TRPC7: variants seen among roughly 807,000 people sequenced by gnomAD.
TRPC7 encodes transient receptor potential cation channel subfamily C member 7.
TRPC7 carries 42 observed loss-of-function variants against 90.1 expected under a neutral mutation model. The ratio of observed to expected loss-of-function variants is 0.47; its 90% confidence interval spans 0.36 to 0.60. The LOEUF (loss-of-function observed/expected upper bound fraction) is 0.60, where lower values mean the gene tolerates loss of function less well. Among genes scored for constraint, TRPC7 ranks in the 20% least tolerant of loss-of-function variants. The probability of loss-of-function intolerance (pLI) is 0.00; values close to 1 mark genes in which losing one functional copy is unlikely to be tolerated. For missense variants in TRPC7, 955 were observed against 1,112.3 expected, an observed-to-expected ratio of 0.86 and a Z score of 2.01; for synonymous variants, 451 against 436.3, an observed-to-expected ratio of 1.03 and a Z score of -0.42.
At chr5:136,351,958 C>T (rs1374990268) in intron 2 of TRPC7, among the ~76,000 whole-genome samples, 1 of 152,054 alleles carries the variant, frequency 6.6e-6, no homozygotes, top group Non-Finnish European at 1.5e-5. Flanking sequence ...TAGTTCTTGC[C>T]CCCTATTCTT....
intron 3 of TRPC7, among the ~76,000 whole-genome samples, chr5:136,292,450 G>A (rs1350363102): frequency 6.6e-6 from 1 of 152,178 alleles, no homozygotes; most frequent in Non-Finnish European, 1.5e-5. Context: ...AATAAAAAAT[G>A]ATAAAGGAGA....
intron 3 of TRPC7, among the ~76,000 whole-genome samples, chr5:136,282,277 G>T (rs1012531074): frequency 4.6e-5 from 7 of 152,118 alleles, no homozygotes; most frequent in African/African-American, 1.7e-4. Context: ...TAAAATATTA[G>T]GTCAGGGCAG....
chr5:136,280,496 G>A (rs1484872595), intron 3 of TRPC7, among the ~76,000 whole-genome samples: 1 of 152,098 alleles, frequency 6.6e-6, no homozygotes, highest in African/African-American at 2.4e-5. Context: ...TTTTCTCCAT[G>A]ATTTTCTCAT....
At chr5:136,313,509 A>T (rs1042669924) in intron 3 of TRPC7, among the ~76,000 whole-genome samples, 1 of 152,324 alleles carries the variant, frequency 6.6e-6, no homozygotes, top group African/African-American at 2.4e-5. Context: ...GATTGTGCTC[A>T]TGCAAGTATG....
At position 136,212,845 on chromosome 5, in the gene TRPC7, G is replaced by A. The variant is rs1755136394; in HGVS notation, c.*590C>T. On this transcript the variant is annotated 3_prime_UTR_variant, in exon 12 of 12. Transcript: ENST00000513104. ...AATACATCATTTGGATTTTGTTGTT[G>A]TTTTCTAAACAGTGCTACCTACAGT... Among the ~76,000 whole-genome samples, 2 of 152,112 alleles carry A rather than the reference G, an allele frequency of 1.3e-5. No homozygotes were observed. The highest frequency in any genetic ancestry group is 1.3e-4 in the Admixed American group (2 of 15,268).
chr5:136,277,947 A>G (rs1328162997), intron 3 of TRPC7, among the ~76,000 whole-genome samples: 1 of 152,216 alleles, frequency 6.6e-6, no homozygotes, highest in Non-Finnish European at 1.5e-5. Flanking sequence ...GCAGTTTGTA[A>G]TGGCTGGAGC....
At chr5:136,352,103 T>G (rs1475352470) in intron 2 of TRPC7, among the ~76,000 whole-genome samples, 1 of 152,208 alleles carries the variant, frequency 6.6e-6, no homozygotes, top group Non-Finnish European at 1.5e-5. Flanking sequence ...GTTAAATAAC[T>G]GCAATACGGT....
intron 6 of TRPC7, among the ~76,000 whole-genome samples, chr5:136,248,394 G>A (rs1457848231): frequency 3.3e-5 from 5 of 152,244 alleles, no homozygotes; most frequent in African/African-American, 9.6e-5. Flanking sequence ...GCTCAGCACA[G>A]GGTCTGGCAC....
intron 5 of TRPC7, among the ~76,000 whole-genome samples, chr5:136,253,443 T>C (rs1756589702): frequency 6.6e-6 from 1 of 152,216 alleles, no homozygotes; most frequent in Admixed American, 6.5e-5. Flanking sequence ...TTGATACCAT[T>C]TTCCCAATAA....
chr5:136,365,163 A>G (rs1760682821), intron 1 of TRPC7, 90 bp downstream of exon 1: 7 of 1,406,198 alleles, frequency 5.0e-6, no homozygotes, highest in Non-Finnish European at 5.8e-6. Context: ...AAGAAGGCTG[A>G]TAAATGAAAG....
At chr5:136,281,206 T>A (rs907261653) in intron 3 of TRPC7, among the ~76,000 whole-genome samples, 1 of 152,146 alleles carries the variant, frequency 6.6e-6, no homozygotes, top group Non-Finnish European at 1.5e-5. Flanking sequence ...GAGATAAAAA[T>A]CAGAAATACA....
chr5:136,351,117 A>T (rs1760179230), intron 2 of TRPC7, among the ~76,000 whole-genome samples: 1 of 152,190 alleles, frequency 6.6e-6, no homozygotes, highest in Non-Finnish European at 1.5e-5. Flanking sequence ...ATATATTTGT[A>T]TTATTTTTAT....
chr5:136,315,786 G>C lies in TRPC7; in HGVS notation c.781-7C>G. 1.2e-6 allele frequency: 2 copies of C among 1,611,182 alleles called. No homozygotes were observed. The highest frequency in any genetic ancestry group is 1.7e-6 in the Non-Finnish European group (2 of 1,177,708). On this transcript the variant is annotated splice_polypyrimidine_tract_variant and splice_region_variant and intron_variant, in intron 2 of 11. Coordinates refer to ENST00000513104, the MANE Select transcript of TRPC7 (RefSeq NM_020389.3). ...ATAACTTCCTGTAATCGTTCTAACA[G>C]AATAGAGAGAAATCAGCGGTATGTC...
intron 4 of TRPC7, among the ~76,000 whole-genome samples, chr5:136,269,830 A>T (rs1303236528): frequency 1.3e-5 from 2 of 152,022 alleles, no homozygotes; most frequent in Non-Finnish European, 2.9e-5. Flanking sequence ...CCCTTTTATG[A>T]TGGGGTGGGA....
intron 2 of TRPC7, among the ~76,000 whole-genome samples, chr5:136,349,132 T>TC (rs11461825): frequency 0.46 from 70,397 of 152,032 alleles, 16,721 homozygotes; most frequent in Admixed American, 0.54. Context: ...GCCCATTTCC[T>TC]CCTCCTCCTC....
intron 3 of TRPC7, among the ~76,000 whole-genome samples, chr5:136,281,499 T>C (rs543110401): frequency 6.6e-6 from 1 of 152,336 alleles, no homozygotes; most frequent in South Asian, 2.1e-4. Flanking sequence ...GATATCTTAC[T>C]AGGAAGAGCA....
At chr5:136,288,424 G>A (rs1757807947) in intron 3 of TRPC7, among the ~76,000 whole-genome samples, 1 of 142,132 alleles carries the variant, frequency 7.0e-6, no homozygotes. Context: ...TTTTTTTCTA[G>A]TAATAGAGTG....
Position 136,228,913 on chromosome 5 carries a change from G to A in TRPC7, c.2040+2441C>T, listed in dbSNP as rs574279922. ...GTGGTGGGATAACTTGACATCACATGCCGTGGGCTTGCCTGCTCCTGCCCT... is the reference window on the plus strand; with the variant it reads ...GTGGTGGGATAACTTGACATCACATACCGTGGGCTTGCCTGCTCCTGCCCT... On this transcript the variant is annotated intron_variant, in intron 8 of 11. Coordinates refer to ENST00000513104, the MANE Select transcript of TRPC7 (RefSeq NM_020389.3). 2.6e-5 allele frequency among the ~76,000 whole-genome samples: 4 copies of A among 152,314 alleles called. No individual in the cohort carries two copies. In the South Asian group the frequency reaches 6.2e-4, roughly 24 times the overall value.
intron 3 of TRPC7, among the ~76,000 whole-genome samples, chr5:136,310,516 G>T (rs776334158): frequency 3.9e-5 from 6 of 152,138 alleles, no homozygotes; most frequent in Admixed American, 3.3e-4. Flanking sequence ...GCCAGGAAAA[G>T]TCACCTCAAC....
Sources: allele counts gnomAD v4.1 joint callset (sites outside exome capture counted in the v4.1 genomes callset), GRCh38; gene constraint gnomAD v4.1.1; transcripts MANE v1.5; gene names NCBI Gene and HGNC (gene_info 2026-07-23, HGNC 2026-07-21).